The following ABCC4 variants were observed in gnomAD, a reference collection of about 807,000 sequenced individuals.
ABCC4 encodes the protein ATP binding cassette subfamily C member 4 (PEL blood group).
In ABCC4, 102 loss-of-function variants were observed where a neutral mutation model predicts 168.5. The ratio of observed to expected loss-of-function variants is 0.61; its 90% CI spans 0.52 to 0.71. ABCC4 has a LOEUF of 0.71. ABCC4 is among the 30% of genes least tolerant of loss of function. The probability of loss-of-function intolerance (pLI) is 0.00; values close to 1 mark genes in which losing one functional copy is unlikely to be tolerated. For missense variants in ABCC4, 1,402 were observed against 1,605.8 expected, an observed-to-expected ratio of 0.87 and a Z score of 2.17; for synonymous variants, 617 against 590.7, an observed-to-expected ratio of 1.04 and a Z score of -0.65.
intron 8 of ABCC4, among the ~76,000 whole-genome samples, chr13:95,195,655 G>C (rs909219494): frequency 6.6e-6 from 1 of 151,814 alleles, no homozygotes; most frequent in African/African-American, 2.4e-5. Flanking sequence ...ATTATTTTGA[G>C]ACAGAGTCTC....
At chr13:95,172,420 A>C (rs1240409516) in intron 13 of ABCC4, among the ~76,000 whole-genome samples, 2 of 152,004 alleles carry the variant, frequency 1.3e-5, no homozygotes, top group African/African-American at 4.8e-5. Flanking sequence ...AAAATACAAA[A>C]ATTAGCTGGA....
At chr13:95,204,555 G>T (rs2038726982) in intron 8 of ABCC4, among the ~76,000 whole-genome samples, 1 of 152,152 alleles carries the variant, frequency 6.6e-6, no homozygotes, top group African/African-American at 2.4e-5. Flanking sequence ...TGTGAAGAAA[G>T]TGCCTGCTTC....
At chr13:95,078,952 G>A (rs1246596629) in intron 21 of ABCC4, among the ~76,000 whole-genome samples, 2 of 152,194 alleles carry the variant, frequency 1.3e-5, no homozygotes, top group African/African-American at 4.8e-5. Flanking sequence ...TCAGGGCAGG[G>A]TCAACTTGAG....
intron 20 of ABCC4, among the ~76,000 whole-genome samples, chr13:95,085,578 T>C (rs2034229836): frequency 6.6e-6 from 1 of 152,218 alleles, no homozygotes; most frequent in Non-Finnish European, 1.5e-5. Context: ...GCATAAATAA[T>C]CACTTGCGGG....
At chr13:95,129,935 T>A (rs1460299748) in intron 19 of ABCC4, among the ~76,000 whole-genome samples, 4 of 151,938 alleles carry the variant, frequency 2.6e-5, no homozygotes, top group Non-Finnish European at 1.5e-5. Flanking sequence ...CTTATTTGAG[T>A]GCAGTGGCAC....
chr13:95,051,912 G>A (rs547570031), intron 27 of ABCC4, among the ~76,000 whole-genome samples: 6 of 152,250 alleles, frequency 3.9e-5, no homozygotes, highest in African/African-American at 1.2e-4. Context: ...TGATCCATCC[G>A]CCTCAGCCTC....
At chr13:95,081,447 A>G (rs1261774101) in intron 21 of ABCC4, among the ~76,000 whole-genome samples, 2 of 152,198 alleles carry the variant, frequency 1.3e-5, no homozygotes, top group African/African-American at 4.8e-5. Context: ...CTTGCTGTCC[A>G]CACACAACAC....
rs148740702 is a variant in ABCC4 at position 95,209,513 on chromosome 13, A to G, written c.706T>C (p.Ser236Pro). 24 of 1,614,116 alleles carry G rather than the reference A, an allele frequency of 1.5e-5. No individual in the cohort carries two copies. Among genetic ancestry groups the G allele is most frequent in the Non-Finnish European group, 1.9e-5 (23 of 1,180,032 alleles). ...TALLWMEIGI[S>P]CLAGMAVLII... The stretch of plus-strand genomic sequence containing the variant: ...AGAACTGCCATCCCAGCAAGGCACG[A>G]TATTCCTATCTCCATCCAGAGTAGG... Residue 236 changes from serine to proline, a missense_variant, in exon 6 of 31, where the codon TCG (serine) becomes CCG (proline). Physicochemically the swap from Ser to Pro is moderately conservative, Grantham distance 74. This residue lies in a region of ABCC4 where 317 missense variants were observed against 345.5 expected (regional missense o/e 0.92). Transcript: ENST00000645237.
intron 4 of ABCC4, among the ~76,000 whole-genome samples, chr13:95,214,370 AT>A (rs1197987303): frequency 3.9e-5 from 6 of 152,184 alleles, no homozygotes; most frequent in African/African-American, 1.4e-4. Context: ...GGAAGAAAAA[AT>A]ATTTGAACAA....
chr13:95,298,872 C>G (rs2138974741), intron 1 of ABCC4, among the ~76,000 whole-genome samples: 1 of 152,276 alleles, frequency 6.6e-6, no homozygotes, highest in South Asian at 2.1e-4. Flanking sequence ...TCCCTTCCAT[C>G]AGGGAAACCG....
At position 95,213,499 on chromosome 13, in the gene ABCC4, C is replaced by T. The variant is rs534175556; in HGVS notation, c.532-2718G>A. On this transcript the variant is annotated intron_variant, in intron 4 of 30. Coordinates refer to ENST00000645237, the MANE Select transcript of ABCC4 (RefSeq NM_005845.5). ...GGATTTACCCAGGGTACTTTGCCAACGGCTTCATAAGCAGGGCCAGACTCC... is the reference window on the plus strand; with the variant it reads ...GGATTTACCCAGGGTACTTTGCCAATGGCTTCATAAGCAGGGCCAGACTCC... Among the ~76,000 whole-genome samples, 306 of 152,272 alleles carry T rather than the reference C, an allele frequency of 2.0e-3. 1 individual carries two copies. Among genetic ancestry groups the T allele is most frequent in the Middle Eastern group, 0.017 (5 of 294 alleles).
At chr13:95,224,167 T>TA (rs1423882008) in intron 4 of ABCC4, among the ~76,000 whole-genome samples, 6 of 103,622 alleles carry the variant, frequency 5.8e-5, no homozygotes, top group Non-Finnish European at 1.2e-4. Flanking sequence ...ATCAATCCTC[T>TA]AAAAAATCAG....
chr13:95,227,008 G>A (rs1182287706), intron 4 of ABCC4, among the ~76,000 whole-genome samples: 1 of 152,156 alleles, frequency 6.6e-6, no homozygotes, highest in Non-Finnish European at 1.5e-5. Context: ...GAATGTTTAG[G>A]GGAAGAGTCC....
At chr13:95,040,524 C>A (rs1247864480) in intron 29 of ABCC4, among the ~76,000 whole-genome samples, 1 of 152,212 alleles carries the variant, frequency 6.6e-6, no homozygotes, top group East Asian at 1.9e-4. Context: ...GCATGAGCCA[C>A]CGCGCCCAGC....
intron 25 of ABCC4, among the ~76,000 whole-genome samples, chr13:95,066,401 T>C (rs774326572): frequency 4.6e-5 from 7 of 151,150 alleles, no homozygotes; most frequent in Non-Finnish European, 7.3e-5. Flanking sequence ...TTGTTTCTTC[T>C]ACTAGGCGAC....
chr13:95,155,244 AG>A (rs1216075422), intron 19 of ABCC4, among the ~76,000 whole-genome samples: 1 of 151,518 alleles, frequency 6.6e-6, no homozygotes, highest in Non-Finnish European at 1.5e-5. Context: ...GTTGGAGTGC[AG>A]TGATGCAATC....
At chr13:95,033,556 A>T (rs2031983367) in intron 30 of ABCC4, among the ~76,000 whole-genome samples, 1 of 152,246 alleles carries the variant, frequency 6.6e-6, no homozygotes, top group South Asian at 2.1e-4. Context: ...GAAAGAGATC[A>T]CGTAGCCTGC....
At chr13:95,253,749 AAAC>A (rs1214241653) in intron 1 of ABCC4, among the ~76,000 whole-genome samples, 2 of 152,104 alleles carry the variant, frequency 1.3e-5, no homozygotes, top group East Asian at 3.9e-4. Flanking sequence ...ATCAAAAAAA[AAAC>A]AACACAGAAA....
chr13:95,152,941 C>A (rs758754144), intron 19 of ABCC4, among the ~76,000 whole-genome samples: 2 of 152,086 alleles, frequency 1.3e-5, no homozygotes, highest in African/African-American at 4.8e-5. Context: ...AACAGAACAG[C>A]GTTTCAAGCT....
Sources: allele counts gnomAD v4.1 joint callset (sites outside exome capture counted in the v4.1 genomes callset), GRCh38; gene constraint gnomAD v4.1.1; regional missense constraint gnomAD v4.1.1; transcripts MANE v1.5; gene names NCBI Gene and HGNC (gene_info 2026-07-23, HGNC 2026-07-21).